The following TAFA5 variants were observed in gnomAD, a reference collection of about 807,000 sequenced individuals.
The protein encoded by TAFA5 is chemokine-like protein TAFA-5.
Under a neutral mutation model 15.3 loss-of-function variants are expected in TAFA5, and 6 were observed. That is an observed-to-expected ratio of 0.39 (90% CI 0.21 to 0.77). The LOEUF (loss-of-function observed/expected upper bound fraction) is 0.77. Among genes scored for constraint, TAFA5 ranks in the 30% least tolerant of loss-of-function variants. The pLI is 0.41. For missense variants in TAFA5, 161 were observed against 193.1 expected (o/e 0.83, Z 0.98); for synonymous variants, 103 against 80.7 (o/e 1.28, Z -1.48).
chr22:48,616,381 G>A (rs965291125), intron 1 of TAFA5, among the ~76,000 whole-genome samples: 6 of 152,230 alleles, frequency 3.9e-5, no homozygotes, highest in African/African-American at 9.6e-5. Context: ...CAGTGGCCCC[G>A]AGGGTGCTGC....
intron 1 of TAFA5, among the ~76,000 whole-genome samples, chr22:48,546,177 C>T (rs1350312717): frequency 6.6e-6 from 1 of 152,246 alleles, no homozygotes; most frequent in Non-Finnish European, 1.5e-5. Context: ...AAGCGTGCCT[C>T]CCCATGGGGA....
At chr22:48,725,506 C>T (rs570533503) in intron 3 of TAFA5, among the ~76,000 whole-genome samples, 4 of 152,094 alleles carry the variant, frequency 2.6e-5, no homozygotes, top group Non-Finnish European at 4.4e-5. Flanking sequence ...ACTGCATGGC[C>T]GTGACCCAGG....
intron 1 of TAFA5, among the ~76,000 whole-genome samples, chr22:48,516,196 G>A (rs1489716771): frequency 1.3e-5 from 2 of 152,160 alleles, no homozygotes; most frequent in Non-Finnish European, 2.9e-5. Context: ...CGAAACCCAC[G>A]TGGAGGCGCC....
chr22:48,641,698 T>C (rs940321215), intron 1 of TAFA5, among the ~76,000 whole-genome samples: 3 of 148,768 alleles, frequency 2.0e-5, no homozygotes, highest in Non-Finnish European at 4.5e-5. Flanking sequence ...ACGGCCTCGC[T>C]AACTGGGAGC....
intron 3 of TAFA5, among the ~76,000 whole-genome samples, chr22:48,715,294 G>A (rs952956479): frequency 6.6e-6 from 1 of 152,246 alleles, no homozygotes; most frequent in Non-Finnish European, 1.5e-5. Flanking sequence ...GTCACTCTGG[G>A]AGAGAAACAA....
rs1415790048 is a variant in TAFA5, at chr22:48,550,409, G to A, written c.112+60705G>A. 6.6e-6 allele frequency among the ~76,000 whole-genome samples: 1 copy of A among 152,226 alleles called. No individual in the cohort carries two copies. The highest frequency in any genetic ancestry group is 1.5e-5 in the Non-Finnish European group (1 of 68,034). On this transcript the variant is annotated intron_variant, in intron 1 of 3. Transcript: ENST00000402357. This position sits in a 1 kb window ranked among gnomAD's most constrained non-coding sequence, Gnocchi z 4.1. Reference sequence around the variant, plus strand: ...CCTTTCCCACAGACTGGTCGGAGGTGCCCAGCAGGACCCTGGATGGCTCTC... The same window carrying A: ...CCTTTCCCACAGACTGGTCGGAGGTACCCAGCAGGACCCTGGATGGCTCTC...
At chr22:48,593,399 G>A (rs754324618) in intron 1 of TAFA5, among the ~76,000 whole-genome samples, 11 of 152,168 alleles carry the variant, frequency 7.2e-5, no homozygotes, top group Admixed American at 3.3e-4. Flanking sequence ...CCGATGTGAA[G>A]GGGACGTGTC....
intron 1 of TAFA5, among the ~76,000 whole-genome samples, chr22:48,555,236 G>A (rs1051535182): frequency 4.6e-5 from 7 of 152,336 alleles, no homozygotes; most frequent in Non-Finnish European, 7.3e-5. Flanking sequence ...ACTGGCTGGT[G>A]GCATGGGGCT....
At chr22:48,590,971 C>T (rs1213994352) in intron 1 of TAFA5, among the ~76,000 whole-genome samples, 1 of 152,094 alleles carries the variant, frequency 6.6e-6, no homozygotes, top group African/African-American at 2.4e-5. Context: ...CCCGCCTCAG[C>T]CTCCTGAGTA....
intron 1 of TAFA5, among the ~76,000 whole-genome samples, chr22:48,634,110 T>A (rs1401597396): frequency 1.1e-5 from 1 of 93,680 alleles, no homozygotes; most frequent in Non-Finnish European, 2.0e-5. Context: ...TCCTTGACGT[T>A]CACTCACTCG....
intron 2 of TAFA5, among the ~76,000 whole-genome samples, chr22:48,666,500 C>CCTGTGA (rs1245006478): frequency 0.42 from 63,049 of 151,126 alleles, 13,935 homozygotes; most frequent in East Asian, 0.67. Context: ...AATACTGAGG[C>CCTGTGA]CCATGACCAG....
rs550306568 is a variant in TAFA5, at chr22:48,616,602, G to A, written c.113-29995G>A. ...GAGGCAGGAAGGTGGCATTTTGCCT[G>A]CGCATGGAAACCAGGGAGTGGCCTC... On this transcript the variant is annotated intron_variant, in intron 1 of 3. Transcript: ENST00000402357. Among the ~76,000 whole-genome samples the A allele has an allele frequency of 5.6e-3, 178 of 31,698 alleles. 6 individuals are homozygous for A. In the East Asian group the frequency reaches 0.32, roughly 57 times the overall value. 20.8% of individuals were successfully genotyped at this position (31,698 alleles called of 152,430 possible).
chr22:48,593,575 C>A (rs966231053), intron 1 of TAFA5, among the ~76,000 whole-genome samples: 1 of 152,126 alleles, frequency 6.6e-6, no homozygotes, highest in Non-Finnish European at 1.5e-5. Flanking sequence ...AGAGAAACAT[C>A]CCCTTGGCCC....
chr22:48,652,744 T>C (rs565895789), intron 2 of TAFA5, among the ~76,000 whole-genome samples: 12 of 152,230 alleles, frequency 7.9e-5, no homozygotes, highest in Non-Finnish European at 1.3e-4. Context: ...AAAGGACTCA[T>C]GTTCCAGGTA....
At chr22:48,636,680 G>T (rs1006436032) in intron 1 of TAFA5, among the ~76,000 whole-genome samples, 2 of 135,300 alleles carry the variant, frequency 1.5e-5, no homozygotes, top group Non-Finnish European at 3.2e-5. Flanking sequence ...CCCACTTGTG[G>T]CAGGTCCCTG....
intron 1 of TAFA5, among the ~76,000 whole-genome samples, chr22:48,587,095 G>A (rs1924389673): frequency 6.6e-6 from 1 of 152,366 alleles, no homozygotes; most frequent in East Asian, 1.9e-4. Context: ...GGCACATGCA[G>A]GTCTCTCTTC....
At chr22:48,713,280 G>A (rs1401999511) in intron 3 of TAFA5, among the ~76,000 whole-genome samples, 3 of 152,238 alleles carry the variant, frequency 2.0e-5, no homozygotes, top group Non-Finnish European at 4.4e-5. Context: ...AGGACGTGCA[G>A]ACGGCAGCTG....
At chr22:48,684,285 G>A (rs369269683) in intron 2 of TAFA5, among the ~76,000 whole-genome samples, 1 of 152,092 alleles carries the variant, frequency 6.6e-6, no homozygotes, top group South Asian at 2.1e-4. Flanking sequence ...TGGAGGCTTT[G>A]TGGGGTAGAG....
chr22:48,524,592 C>T (rs1220795796), intron 1 of TAFA5, among the ~76,000 whole-genome samples: 2 of 152,194 alleles, frequency 1.3e-5, no homozygotes. Flanking sequence ...CTGGAGCCTC[C>T]GTCCACAGCC....
Sources: gnomAD v4.1 joint callset for allele counts (sites outside exome capture counted in the v4.1 genomes callset) on GRCh38, gnomAD v4.1.1 for gene constraint, Gnocchi (gnomAD v3.1) non-coding constraint, MANE v1.5 for transcripts, NCBI Gene and HGNC (gene_info 2026-07-23, HGNC 2026-07-21) for gene names.